The following CFHR4 variants were observed in gnomAD, a reference collection of about 807,000 sequenced individuals.
CFHR4 encodes complement factor H-related protein 4.
A neutral mutation model predicts 69.3 loss-of-function variants in CFHR4; 64 were observed. That is an observed-to-expected ratio of 0.92 (90% confidence interval 0.76 to 1.14). The LOEUF (loss-of-function observed/expected upper bound fraction) is 1.14, where lower values mean the gene tolerates loss of function less well. Ranked by LOEUF, CFHR4 falls within the 50% of genes most tolerant of loss-of-function variation. The probability of loss-of-function intolerance (pLI) is 0.00; values close to 1 mark genes in which losing one functional copy is unlikely to be tolerated. For missense variants in CFHR4, 636 were observed against 684.9 expected, an observed-to-expected ratio of 0.93 and a Z score of 0.80; for synonymous variants, 244 against 237.0, an observed-to-expected ratio of 1.03 and a Z score of -0.27.
Position 196,918,558 on chromosome 1 carries a change from C to A in CFHR4, c.*152C>A. The A allele has an allele frequency of 1.3e-6, 1 of 784,652 alleles. No individual in the cohort carries two copies. The highest frequency in any genetic ancestry group is 2.0e-6 in the Non-Finnish European group (1 of 488,574). 48.6% of individuals were successfully genotyped at this position (784,652 alleles called of 1,614,324 possible). On this transcript the variant is annotated 3_prime_UTR_variant, in exon 10 of 10. Transcript: ENST00000608469. ...GTTTCAATTTGCAACTTAATATGTT[C>A]TCAAAAATATGTTAAAACAAACTAA...
Position 196,907,501 on chromosome 1 carries a change from A to C in CFHR4, c.799+3A>C, listed in dbSNP as rs554655525. ...GTCAGAACCACCAAGATGCATATGT[A>C]AGTTCTTAATATTCTGGATCTGAGA... On this transcript the variant is annotated splice_donor_region_variant and intron_variant, in intron 5 of 9. Transcript: ENST00000608469. 2,100 of 1,604,224 alleles carry C rather than the reference A, an allele frequency of 1.3e-3. 16 individuals carry two copies. Among genetic ancestry groups the C allele is most frequent in the Admixed American group, 1.6e-3 (96 of 59,206 alleles).
rs137919405 is a variant in CFHR4 at position 196,905,930 on chromosome 1, T to C, written c.439+640T>C. 8.5e-3 allele frequency among the ~76,000 whole-genome samples: 1,289 copies of C among 151,682 alleles called. 55 individuals carry two copies. The highest frequency in any genetic ancestry group is 0.03 in the African/African-American group (1,229 of 41,262). ...CTAAAACATTCCCAACTTGTAATTA[T>C]TTATTAATAAAGAGATTGCATAATG... On this transcript the variant is annotated intron_variant, in intron 3 of 9. Coordinates refer to ENST00000608469, the MANE Select transcript of CFHR4 (RefSeq NM_001201550.3).
At chr1:196,907,125 C>T in intron 4 of CFHR4, 88 bp downstream of exon 4, 1 of 1,250,860 alleles carries the variant, frequency 8.0e-7, no homozygotes, top group Non-Finnish European at 1.1e-6. Context: ...TGTATGAATA[C>T]ATATGTGTAC....
intron 1 of CFHR4, among the ~76,000 whole-genome samples, chr1:196,893,616 A>T (rs915187486): frequency 6.6e-6 from 1 of 151,488 alleles, no homozygotes; most frequent in Admixed American, 6.6e-5. Flanking sequence ...ATTTCACTAC[A>T]CAATTGAGCG....
rs757654788 is a variant in CFHR4 at position 196,914,502 on chromosome 1, T to C, written c.1188T>C (p.Cys396=). Residue 396 remains cysteine, a synonymous_variant, in exon 8 of 10, where the codon TGT becomes TGC. Coordinates refer to ENST00000608469, the MANE Select transcript of CFHR4 (RefSeq NM_001201550.3). ...AATTTTATTTTGTTTCAGAATTTTG[T>C]GATATGCCTGTTTTTGAGAATTCCA... ...WSAQPICIKF[C]DMPVFENSRA... 2 of 1,606,004 alleles carry C rather than the reference T, an allele frequency of 1.2e-6. No homozygotes were observed. The highest frequency in any genetic ancestry group is 4.5e-5 in the East Asian group (2 of 44,580).
At position 196,918,216 on chromosome 1, in the gene CFHR4, GTA is replaced by G. The variant is rs1314250110; in HGVS notation, c.1550_1551del (p.Ile517AsnfsTer3). ...TTTCTTTTTCTGCTTTCAGATCCAT[GTA>G]TAATAACTGAAGAAAACATGAATAA... On this transcript the variant is annotated frameshift_variant, in exon 10 of 10. Transcript: ENST00000608469. LOFTEE classifies it low-confidence loss of function (END_TRUNC). 7 of 1,602,894 alleles carry G rather than the reference GTA, an allele frequency of 4.4e-6. No individual in the cohort carries two copies. The South Asian group carries it at 5.5e-5, about 13-fold the overall frequency.
chr1:196,892,138 T>G (rs1465414725), intron 1 of CFHR4, among the ~76,000 whole-genome samples: 1 of 151,514 alleles, frequency 6.6e-6, no homozygotes, highest in African/African-American at 2.4e-5. Flanking sequence ...CTGATAAAAT[T>G]TCCAGAATTG....
rs1211731354 is a variant in CFHR4 at position 196,918,523 on chromosome 1, T to A, written c.*117T>A. 2.8e-6 allele frequency: 3 copies of A among 1,072,876 alleles called. No homozygotes were observed. The highest frequency in any genetic ancestry group is 2.7e-5 in the East Asian group (1 of 37,720). The allele number at this position is 1,072,876 out of a possible 1,614,324, so 66.5% of individuals were successfully genotyped here. On this transcript the variant is annotated 3_prime_UTR_variant, in exon 10 of 10. Transcript: ENST00000608469. ...ATTTCTACTTTATTTCAAAGAAAAT[T>A]AATATAATAGTTTCAATTTGCAACT...
chr1:196,909,086 T>C (rs1033308926), intron 5 of CFHR4, among the ~76,000 whole-genome samples: 7 of 151,582 alleles, frequency 4.6e-5, no homozygotes, highest in Non-Finnish European at 8.8e-5. Context: ...TCTTTGAACA[T>C]GATTTCATAG....
At chr1:196,888,269 T>C in intron 1 of CFHR4, 61 bp downstream of exon 1, 1 of 1,497,432 alleles carries the variant, frequency 6.7e-7, no homozygotes, top group East Asian at 2.3e-5. Flanking sequence ...GTGTAATATC[T>C]AACTTCATAT....
intron 1 of CFHR4, among the ~76,000 whole-genome samples, chr1:196,895,289 A>G (rs1007028899): frequency 1.3e-5 from 2 of 151,364 alleles, no homozygotes; most frequent in South Asian, 2.1e-4. Context: ...CTTGATATCT[A>G]TCTCTTTGAG....
chr1:196,904,062 T>C (rs1657764998), intron 2 of CFHR4, among the ~76,000 whole-genome samples: 1 of 151,594 alleles, frequency 6.6e-6, no homozygotes, highest in South Asian at 2.1e-4. Flanking sequence ...ACAATGGTAA[T>C]CTTCTTACAC....
In CFHR4 at chr1:196,910,338, C is replaced by T. The variant is rs569248104; in HGVS notation, c.857C>T (p.Thr286Met). The T allele has an allele frequency of 3.2e-5, 52 of 1,611,692 alleles. No homozygotes were observed. The East Asian group carries it at 4.5e-4, about 14-fold the overall frequency. ...CATGGACATCTATATTATGAGAATA[C>T]GCGTAGACCATACTTTCCAGTAGCT... ...IQHGHLYYEN[T>M]RRPYFPVATG... Residue 286 changes from threonine to methionine, a missense_variant, in exon 6 of 10, where the codon ACG (threonine) becomes ATG (methionine). By Grantham distance (81) the Thr-to-Met change is moderately conservative (BLOSUM62 -1). Around this residue, in one of 3 missense-constraint regions of CFHR4, gnomAD observed 529 missense variants for 533.2 expected, o/e 0.99. Coordinates refer to ENST00000608469, the MANE Select transcript of CFHR4 (RefSeq NM_001201550.3).
rs186233367 is a variant in CFHR4, at chr1:196,909,151, C to A, written c.800-1130C>A. 2.1e-3 allele frequency among the ~76,000 whole-genome samples: 313 copies of A among 151,506 alleles called. 3 individuals carry two copies. Among genetic ancestry groups the A allele is most frequent in the South Asian group, 3.7e-3 (18 of 4,814 alleles). The stretch of plus-strand genomic sequence containing the variant: ...AATTCTGAGTCTTAAATTTGATTGA[C>A]TGAGGAGATGGACACTCCTAAGATG... On this transcript the variant is annotated intron_variant, in intron 5 of 9. Transcript: ENST00000608469.
In CFHR4 at chr1:196,912,828, T is replaced by C. The variant is rs749893507; in HGVS notation, c.1086T>C (p.Tyr362=). 6.8e-6 allele frequency: 11 copies of C among 1,608,730 alleles called. No individual in the cohort carries two copies. Among genetic ancestry groups the C allele is most frequent in the Admixed American group, 5.0e-5 (3 of 59,758 alleles). The change falls in exon 7 of 10, where the codon TAT becomes TAC. Residue 362 remains tyrosine (Y), a synonymous_variant. Transcript: ENST00000608469. ...SIYILNKEIQ[Y]KCKPGYATAD... Reference sequence around the variant, plus strand: ...ATATTTTAAATAAAGAAATACAATATAAATGTAAACCAGGATATGCAACAG... The same window carrying C: ...ATATTTTAAATAAAGAAATACAATACAAATGTAAACCAGGATATGCAACAG...
chr1:196,908,426 T>A (rs1658034620), intron 5 of CFHR4, among the ~76,000 whole-genome samples: 1 of 151,518 alleles, frequency 6.6e-6, no homozygotes. Context: ...TCTTACACTT[T>A]ACCAGTATTT....
chr1:196,905,671 A>T (rs1558244013), intron 3 of CFHR4, among the ~76,000 whole-genome samples: 1 of 151,500 alleles, frequency 6.6e-6, no homozygotes, highest in African/African-American at 2.4e-5. Flanking sequence ...TCACACTCTT[A>T]AGATGTACAT....
rs115052634 is a variant in CFHR4 at position 196,888,707 on chromosome 1, A to G, written c.58+499A>G. Reference sequence around the variant, plus strand: ...TACCTTAAGAAAGCTGCTACATCTAATTAACATTAATATGAATTTAATATT... The same window carrying G: ...TACCTTAAGAAAGCTGCTACATCTAGTTAACATTAATATGAATTTAATATT... On this transcript the variant is annotated intron_variant, in intron 1 of 9. Transcript: ENST00000608469. 6.8e-3 allele frequency among the ~76,000 whole-genome samples: 1,030 copies of G among 151,442 alleles called. 43 individuals carry two copies. The highest frequency in any genetic ancestry group is 0.024 in the African/African-American group (988 of 41,162).
At chr1:196,914,208 T>C (rs1353852178) in intron 7 of CFHR4, among the ~76,000 whole-genome samples, 1 of 151,500 alleles carries the variant, frequency 6.6e-6, no homozygotes, top group African/African-American at 2.4e-5. Flanking sequence ...TAGACTTTAA[T>C]AACAGCCAAT....
Sources: gnomAD v4.1 joint callset for allele counts (sites outside exome capture counted in the v4.1 genomes callset) on GRCh38, gnomAD v4.1.1 for gene constraint, gnomAD v4.1.1 regional missense constraint, MANE v1.5 for transcripts, NCBI Gene and HGNC (gene_info 2026-07-23, HGNC 2026-07-21) for gene names.